CDH3: variants seen among roughly 807,000 people sequenced by gnomAD.
CDH3 encodes cadherin 3, also known as cadherin-3.
CDH3 carries 54 observed loss-of-function variants against 82.0 expected under a neutral mutation model. The observed-to-expected ratio is 0.66, with a 90% CI of 0.53 to 0.83. CDH3 has a LOEUF of 0.83. CDH3 is among the 40% of genes least tolerant of loss of function. The pLI is 0.00. For synonymous variants in CDH3, 446 were observed against 437.9 expected, an observed-to-expected ratio of 1.02 and a Z score of -0.23; for missense variants, 1,054 against 1,084.6, an observed-to-expected ratio of 0.97 and a Z score of 0.40.
rs1961258028 is a variant in CDH3, at chr16:68,682,425, G to A, written c.1120G>A (p.Gly374Arg). 8 of 1,614,076 alleles carry A rather than the reference G, an allele frequency of 5.0e-6. No homozygotes were observed. Among genetic ancestry groups the A allele is most frequent in the East Asian group, 2.2e-5 (1 of 44,888 alleles). ...CTACCTTATCATGGGCGGTGACGAC[G>A]GGGACCATTTTACCATCACCACCCA... ...ATYLIMGGDD[G>R]DHFTITTHPE... Residue 374 changes from glycine (G) to arginine (R), a missense_variant, in exon 9 of 16, where the codon GGG becomes AGG. Physicochemically the swap from Gly to Arg is moderately radical, Grantham distance 125. Coordinates refer to ENST00000264012, the MANE Select transcript of CDH3 (RefSeq NM_001793.6).
intron 1 of CDH3, among the ~76,000 whole-genome samples, chr16:68,721,549 A>C (rs897548502): frequency 6.6e-6 from 1 of 152,016 alleles, no homozygotes; most frequent in Admixed American, 6.6e-5. Flanking sequence ...TCAGTCTTTT[A>C]ACTGCGGGTA....
intron 11 of CDH3, chr16:68,686,374 G>A: frequency 8.7e-7 from 1 of 1,150,394 alleles, no homozygotes; most frequent in East Asian, 2.3e-5. Flanking sequence ...GAGGTGGAGG[G>A]AGTCATGGCA....
At chr16:68,733,329 C>T in the CDH3 span, among the ~76,000 whole-genome samples, 16 of 152,108 alleles carry the variant, frequency 1.1e-4, no homozygotes, top group Non-Finnish European at 2.1e-4. Context: ...CACCATGTTG[C>T]CCAGACTGGT....
At position 68,672,932 on chromosome 16, in the gene CDH3, A is replaced by C. The variant is rs919840747; in HGVS notation, c.161-3453A>C. The stretch of plus-strand genomic sequence containing the variant: ...GAACTTCCTGTTAGTGGAATCTTGC[A>C]TATGTCCTCTCATATCTGGCTTCTA... On this transcript the variant is annotated intron_variant, in intron 2 of 15. Transcript: ENST00000264012. 2.0e-5 allele frequency among the ~76,000 whole-genome samples: 3 copies of C among 152,124 alleles called. No individual in the cohort carries two copies. In the East Asian group the frequency reaches 5.8e-4, roughly 29 times the overall value.
At chr16:68,689,088 T>G (rs1028775445) in intron 12 of CDH3, among the ~76,000 whole-genome samples, 1 of 152,250 alleles carries the variant, frequency 6.6e-6, no homozygotes, top group African/African-American at 2.4e-5. Context: ...TGTTCTGTTG[T>G]CAGGGAAATT....
chr16:68,654,441 G>A (rs111442132), intron 2 of CDH3, among the ~76,000 whole-genome samples: 35,728 of 99,520 alleles, frequency 0.36, 6,979 homozygotes, highest in East Asian at 0.57. Context: ...GTTGGCTCAC[G>A]CCTGTAATCC....
chr16:68,697,036 A>G (rs1229291836), intron 15 of CDH3: 1 of 151,750 alleles, frequency 6.6e-6, no homozygotes, highest in Admixed American at 6.6e-5. Flanking sequence ...AAAAAAAAAA[A>G]AAAGGCCGGG....
intron 1 of CDH3, among the ~76,000 whole-genome samples, chr16:68,705,866 C>G (rs1961954588): frequency 6.6e-6 from 1 of 151,476 alleles, no homozygotes; most frequent in South Asian, 2.1e-4. Context: ...GAGATCGAGA[C>G]CATTCTGGCC....
At position 68,679,791 on chromosome 16, in the gene CDH3, C is replaced by T. The variant is rs748451850; in HGVS notation, c.692-8C>T. The stretch of plus-strand genomic sequence containing the variant: ...TGGGAGGAAAAGATACTCATCCCTT[C>T]TCTCCAGGTACTTCTGTGATGCAGG... On this transcript the variant is annotated splice_region_variant and splice_polypyrimidine_tract_variant and intron_variant, in intron 6 of 15. Coordinates refer to ENST00000264012, the MANE Select transcript of CDH3 (RefSeq NM_001793.6). 5.0e-6 allele frequency: 8 copies of T among 1,595,646 alleles called. No homozygotes were observed. The South Asian group carries it at 7.7e-5, about 15-fold the overall frequency.
At chr16:68,708,410 A>C (rs533586931) in intron 1 of CDH3, among the ~76,000 whole-genome samples, 738 of 31,234 alleles carry the variant, frequency 0.024, 8 homozygotes, top group African/African-American at 0.059. Context: ...TTTCACTCCA[A>C]ATCAAACCAC....
downstream of CDH3, among the ~76,000 whole-genome samples, chr16:68,730,601 T>C (rs1006430928): frequency 6.6e-6 from 1 of 152,186 alleles, no homozygotes; most frequent in Non-Finnish European, 1.5e-5. Flanking sequence ...TTCAATGATA[T>C]TGAGGAACTA....
chr16:68,724,493 G>A (rs1365661280), intron 2 of CDH3, among the ~76,000 whole-genome samples: 2 of 151,896 alleles, frequency 1.3e-5, no homozygotes, highest in African/African-American at 4.8e-5. Context: ...AGGCATGGTG[G>A]CACATACCTG....
downstream of CDH3, among the ~76,000 whole-genome samples, chr16:68,731,053 T>TAC (rs1182992232): frequency 4.9e-4 from 15 of 30,386 alleles, no homozygotes; most frequent in Admixed American, 1.9e-3. Flanking sequence ...AAAAAATATA[T>TAC]ATATATATAT....
chr16:68,692,494 T>C (rs1961605964), intron 13 of CDH3, among the ~76,000 whole-genome samples: 3 of 151,984 alleles, frequency 2.0e-5, no homozygotes, highest in African/African-American at 7.3e-5. Flanking sequence ...TCTGAAAGGG[T>C]GGTTTCCAAC....
intron 1 of CDH3, among the ~76,000 whole-genome samples, chr16:68,718,633 G>A (rs1184583362): frequency 2.0e-5 from 3 of 152,050 alleles, no homozygotes; most frequent in Admixed American, 2.0e-4. Flanking sequence ...AGTGAGCCGA[G>A]ATTGCTCCAC....
intron 13 of CDH3, among the ~76,000 whole-genome samples, chr16:68,694,440 G>A (rs893385426): frequency 6.6e-6 from 1 of 151,810 alleles, no homozygotes; most frequent in East Asian, 1.9e-4. Flanking sequence ...TGGCCAACAT[G>A]GTGAAACCCT....
Position 68,679,788 on chromosome 16 carries a change from C to T in CDH3, c.692-11C>T, listed in dbSNP as rs779035474. On this transcript the variant is annotated splice_polypyrimidine_tract_variant and intron_variant, in intron 6 of 15. Coordinates refer to ENST00000264012, the MANE Select transcript of CDH3 (RefSeq NM_001793.6). ...AACTGGGAGGAAAAGATACTCATCC[C>T]TTCTCTCCAGGTACTTCTGTGATGC... 2.5e-6 allele frequency: 4 copies of T among 1,600,152 alleles called. No individual in the cohort carries two copies. Among genetic ancestry groups the T allele is most frequent in the Non-Finnish European group, 3.4e-6 (4 of 1,167,892 alleles).
chr16:68,656,467 A>G (rs775567219), intron 2 of CDH3, among the ~76,000 whole-genome samples: 9 of 152,196 alleles, frequency 5.9e-5, no homozygotes, highest in South Asian at 4.1e-4. Context: ...ATACCACCTA[A>G]TAGCTTACTG....
chr16:68,686,753 A>G (rs956095666), intron 11 of CDH3: 5 of 662,688 alleles, frequency 7.5e-6, no homozygotes, highest in East Asian at 2.6e-5. Flanking sequence ...GAAACCTTTC[A>G]TCATGTAAAT....
Sources: gnomAD v4.1 joint callset for allele counts (sites outside exome capture counted in the v4.1 genomes callset) on GRCh38, gnomAD v4.1.1 for gene constraint, MANE v1.5 for transcripts, NCBI Gene and HGNC (gene_info 2026-07-23, HGNC 2026-07-21) for gene names.